The following ANKMY1 variants were observed in gnomAD, a reference collection of about 807,000 sequenced individuals.
The protein encoded by ANKMY1 is ankyrin repeat and MYND domain containing 1, also known as ankyrin repeat and MYND domain-containing protein 1.
ANKMY1 carries 98 observed loss-of-function variants against 102.0 expected under a neutral mutation model. The observed-to-expected ratio is 0.96, with a 90% CI of 0.82 to 1.14. The LOEUF (loss-of-function observed/expected upper bound fraction) is 1.14, where lower values mean the gene tolerates loss of function less well. ANKMY1 is among the 50% of genes most tolerant of loss of function. The probability of loss-of-function intolerance (pLI) is 0.00; values close to 1 mark genes in which losing one functional copy is unlikely to be tolerated. For synonymous variants in ANKMY1, 582 were observed against 559.9 expected (o/e 1.04, Z -0.56); for missense variants, 1,330 against 1,347.6 (o/e 0.99, Z 0.20).
At chr2:240,533,660 C>G (rs1412718005) in intron 4 of ANKMY1, among the ~76,000 whole-genome samples, 1 of 151,626 alleles carries the variant, frequency 6.6e-6, no homozygotes, top group African/African-American at 2.4e-5. Flanking sequence ...TAGTGGCCAC[C>G]ACGTTGGACA....
intron 15 of ANKMY1, among the ~76,000 whole-genome samples, chr2:240,497,645 T>C (rs2077439673): frequency 6.6e-6 from 1 of 152,216 alleles, no homozygotes; most frequent in Non-Finnish European, 1.5e-5. Flanking sequence ...AATTAGCCAG[T>C]CTATAGTTTA....
Position 240,512,133 on chromosome 2 carries a change from G to A in ANKMY1, c.2146-132C>T, listed in dbSNP as rs143140073. ...CACCCTGCGAAACCCTCTTGAAGGCGGATGCCTGACTTTGTTCGAGCCTCT... is the reference window on the plus strand; with the variant it reads ...CACCCTGCGAAACCCTCTTGAAGGCAGATGCCTGACTTTGTTCGAGCCTCT... On this transcript the variant is annotated intron_variant, in intron 10 of 17. Transcript: ENST00000401804. 312 of 1,156,384 alleles carry A rather than the reference G, an allele frequency of 2.7e-4. 2 individuals carry two copies. In the Middle Eastern group the frequency reaches 5.3e-3, roughly 19 times the overall value. 71.6% of individuals were successfully genotyped at this position (1,156,384 alleles called of 1,614,324 possible). A position where few individuals can be genotyped will look rare whatever the true frequency, so the allele number is the denominator to read the frequency against.
chr2:240,502,635 ACCCTG>A (rs2078388767), intron 13 of ANKMY1, among the ~76,000 whole-genome samples: 1 of 149,666 alleles, frequency 6.7e-6, no homozygotes, highest in African/African-American at 2.5e-5. Context: ...GTGTCTTCCC[ACCCTG>A]GCCCTGGCTG....
In ANKMY1 at chr2:240,479,729, A is replaced by G; in HGVS notation, c.3047-74T>C. On this transcript the variant is annotated intron_variant, in intron 17 of 17. Coordinates refer to ENST00000401804, the MANE Select transcript of ANKMY1 (RefSeq NM_001282771.3). ...GCCTCCCCCGAGGCCTGGCTCCAGA[A>G]CTCGGGCTGTGTGGGGCGGCTGAGG... is the stretch of plus-strand genomic sequence containing the variant. The G allele has an allele frequency of 2.1e-6, 3 of 1,401,938 alleles. No homozygotes were observed. In the South Asian group the frequency reaches 3.5e-5, roughly 16 times the overall value. The allele number at this position is 1,401,938 out of a possible 1,614,324, so 86.8% of individuals were successfully genotyped here.
intron 16 of ANKMY1, 102 bp downstream of exon 16, chr2:240,482,081 A>T: frequency 7.5e-7 from 1 of 1,331,114 alleles, no homozygotes; most frequent in South Asian, 1.3e-5. Flanking sequence ...GTCAGATGGC[A>T]TGGAGGCTGT....
intron 15 of ANKMY1, among the ~76,000 whole-genome samples, chr2:240,496,829 G>C (rs954517436): frequency 6.6e-6 from 1 of 152,156 alleles, no homozygotes; most frequent in Admixed American, 6.5e-5. Context: ...ATTAGAATTC[G>C]ATCAGAGCTC....
the ANKMY1 span, among the ~76,000 whole-genome samples, chr2:240,474,354 G>A: frequency 7.2e-6 from 1 of 138,382 alleles, no homozygotes; most frequent in Non-Finnish European, 1.5e-5. Context: ...TGATCCACCC[G>A]CCTCGGCCTC....
intron 4 of ANKMY1, among the ~76,000 whole-genome samples, chr2:240,550,526 A>T (rs545846305): frequency 9.9e-4 from 150 of 151,678 alleles, no homozygotes; most frequent in Non-Finnish European, 1.3e-3. Flanking sequence ...TAATAAATTT[A>T]AAAAAAAAGA....
Position 240,529,354 on chromosome 2 carries a change from G to A in ANKMY1, c.636C>T (p.Ser212=). 5 of 1,614,228 alleles carry A rather than the reference G, an allele frequency of 3.1e-6. No homozygotes were observed. Among genetic ancestry groups the A allele is most frequent in the South Asian group, 1.1e-5 (1 of 91,088 alleles). The change falls in exon 5 of 18, where the codon AGC becomes AGT. Residue 212 remains serine (S), a synonymous_variant. Transcript: ENST00000401804. The surrounding 1 kb of genome is among the most constrained non-coding windows in gnomAD (Gnocchi z 4.2). ...TCCTGGCAGGGCTGTGGGTGATGAA[G>A]CTGGAGAACTCAGGGTATCTGAGGA... ...FSLLRYPEFS[S]FITHSPARIS...
chr2:240,537,885 C>G (rs1260267842), intron 4 of ANKMY1, among the ~76,000 whole-genome samples: 1 of 152,178 alleles, frequency 6.6e-6, no homozygotes, highest in Non-Finnish European at 1.5e-5. Context: ...TCAAATAAGG[C>G]AAACACTGAG....
At position 240,503,492 on chromosome 2, in the gene ANKMY1, C is replaced by T. The variant is rs529506701; in HGVS notation, c.2527-2927G>A. Among the ~76,000 whole-genome samples the T allele has an allele frequency of 7.4e-4, 113 of 152,272 alleles. 2 individuals are homozygous for T. Among genetic ancestry groups the T allele is most frequent in the African/African-American group, 2.6e-3 (107 of 41,534 alleles). On this transcript the variant is annotated intron_variant, in intron 13 of 17. Coordinates refer to ENST00000401804, the MANE Select transcript of ANKMY1 (RefSeq NM_001282771.3). ...CCTGGTGCTGCAGCCATCCAAATGG[C>T]GGGGCCCAGGGAGTCAGGGGGGCCC...
Position 240,523,926 on chromosome 2 carries a change from G to A in ANKMY1, c.1791C>T (p.Phe597=), listed in dbSNP as rs571735101. The A allele has an allele frequency of 4.8e-5, 78 of 1,613,752 alleles. No homozygotes were observed. In the Middle Eastern group the frequency reaches 4.9e-4, roughly 10 times the overall value. ...CCATCCTCCGCATGGTCCCTTTGTC[G>A]AAGCTGCTGGTGCACGGTGAGGGCG... is the stretch of plus-strand genomic sequence containing the variant. ...MASPSPCTSS[F]DKGTMRRMAL... is the part of the protein sequence containing the mutation. The change falls in exon 8 of 18, where the codon TTC becomes TTT. Residue 597 remains phenylalanine, a synonymous_variant. Transcript: ENST00000401804.
At chr2:240,553,121 G>C in intron 3 of ANKMY1, 64 bp from the exon 4 acceptor site, 1 of 1,570,742 alleles carries the variant, frequency 6.4e-7, no homozygotes, top group Admixed American at 1.7e-5. Flanking sequence ...ATGCCCTTGA[G>C]GCTGAGCCAC....
At chr2:240,476,976 C>T (rs1218781580), downstream of ANKMY1, among the ~76,000 whole-genome samples, 1 of 152,188 alleles carries the variant, frequency 6.6e-6, no homozygotes, top group Non-Finnish European at 1.5e-5. Context: ...AGTTGCTGTG[C>T]TTTAGAGAGT....
chr2:240,524,902 G>C (rs575189754), intron 7 of ANKMY1, among the ~76,000 whole-genome samples: 2 of 152,322 alleles, frequency 1.3e-5, no homozygotes, highest in South Asian at 4.1e-4. Flanking sequence ...GGTTCCCAAA[G>C]TGTGGTCCCT....
chr2:240,479,690 G>C, intron 17 of ANKMY1, 35 bp from the exon 18 acceptor site: 1 of 1,605,590 alleles, frequency 6.2e-7, no homozygotes, highest in Non-Finnish European at 8.5e-7. Flanking sequence ...AGGGGGAAGA[G>C]GGGGCTGGAG....
rs965397947 is a variant in ANKMY1, at chr2:240,499,202, C to T, written c.2806+756G>A. Among the ~76,000 whole-genome samples, 18 of 152,180 alleles carry T rather than the reference C, an allele frequency of 1.2e-4. No individual in the cohort carries two copies. Among genetic ancestry groups the T allele is most frequent in the African/African-American group, 3.9e-4 (16 of 41,488 alleles). On this transcript the variant is annotated intron_variant, in intron 15 of 17. Coordinates refer to ENST00000401804, the MANE Select transcript of ANKMY1 (RefSeq NM_001282771.3). This position sits in a 1 kb window ranked among gnomAD's most constrained non-coding sequence, Gnocchi z 4.2. Reference sequence around the variant, plus strand: ...ATCAGCAGGTTCCGGTGTGTGTGTGCACACACGTGTTAACACGTGACAGGT... The same window carrying T: ...ATCAGCAGGTTCCGGTGTGTGTGTGTACACACGTGTTAACACGTGACAGGT...
chr2:240,515,579 T>C (rs988411042), intron 9 of ANKMY1, among the ~76,000 whole-genome samples: 1 of 152,158 alleles, frequency 6.6e-6, no homozygotes, highest in African/African-American at 2.4e-5. Context: ...AAACGTTTTA[T>C]GGAAGTCTTA....
chr2:240,557,241 G>C lies in ANKMY1; in HGVS notation c.95C>G (p.Pro32Arg). ...CAGGGACCCCGGCTCCTCGGCAGCAGGGGTCTCGCCGCCCTTCCCCTCTAG... is the reference window on the plus strand; with the variant it reads ...CAGGGACCCCGGCTCCTCGGCAGCACGGGTCTCGCCGCCCTTCCCCTCTAG... Reference protein sequence around the residue: ...RPLEGKGGETPAAEEPGSLKN... With the variant: ...RPLEGKGGETRAAEEPGSLKN... The change falls in exon 2 of 18, where the codon CCT becomes CGT. Residue 32 changes from proline (P) to arginine (R), a missense_variant. Transcript: ENST00000401804. The C allele has an allele frequency of 6.3e-7, 1 of 1,593,890 alleles. No homozygotes were observed. The highest frequency in any genetic ancestry group is 8.6e-7 in the Non-Finnish European group (1 of 1,169,470).
Sources: allele counts gnomAD v4.1 joint callset (sites outside exome capture counted in the v4.1 genomes callset), GRCh38; gene constraint gnomAD v4.1.1; non-coding constraint Gnocchi (gnomAD v3.1); transcripts MANE v1.5; gene names NCBI Gene and HGNC (gene_info 2026-07-23, HGNC 2026-07-21).